The following KIFAP3 variants were observed in gnomAD, a reference collection of about 807,000 sequenced individuals.
KIFAP3 encodes the protein kinesin-associated protein 3.
A neutral mutation model predicts 106.5 loss-of-function variants in KIFAP3; 68 were observed. The ratio of observed to expected loss-of-function variants is 0.64; its 90% CI spans 0.53 to 0.78. The LOEUF is 0.78. Ranked by LOEUF, KIFAP3 falls within the 30% of genes least tolerant of loss-of-function variation. The pLI is 0.00. For synonymous variants in KIFAP3, 320 were observed against 311.5 expected (o/e 1.03, Z -0.29); for missense variants, 780 against 941.8 (o/e 0.83, Z 2.25).
At chr1:170,074,230 C>T (rs1453739634) in intron 1 of KIFAP3, among the ~76,000 whole-genome samples, 6 of 152,170 alleles carry the variant, frequency 3.9e-5, no homozygotes, top group Non-Finnish European at 1.5e-5. Flanking sequence ...AGGGCTCCGC[C>T]GAGTCAGGTC....
At chr1:169,990,426 A>G (rs1266753185) in intron 11 of KIFAP3, among the ~76,000 whole-genome samples, 1 of 151,696 alleles carries the variant, frequency 6.6e-6, no homozygotes, top group Non-Finnish European at 1.5e-5. Flanking sequence ...CAGATTATGC[A>G]AAGATAGCAT....
intron 15 of KIFAP3, among the ~76,000 whole-genome samples, chr1:169,978,654 TCATA>T (rs1442145766): frequency 6.6e-6 from 1 of 152,090 alleles, no homozygotes; most frequent in Non-Finnish European, 1.5e-5. Context: ...ACCTTTAATA[TCATA>T]CAAAGTAATT....
rs184581509 is a variant in KIFAP3, at chr1:169,921,738, G to T, written c.2317C>A (p.Arg773Ser). ...CGGAATCCATATGCTGTGGCAGGGC[G>T]TCCAAGAATGCCAACTGGTTGGCCA... is the stretch of plus-strand genomic sequence containing the variant. ...GFGQPVGILG[R>S]PATAYGFRPD... Residue 773 changes from arginine to serine, a missense_variant, in exon 20 of 20, where the codon CGC (arginine) becomes AGC (serine). Physicochemically the swap from Arg to Ser is moderately radical, Grantham distance 110 (BLOSUM62 -1). Transcript: ENST00000361580. 4 of 1,613,570 alleles carry T rather than the reference G, an allele frequency of 2.5e-6. No individual in the cohort carries two copies. The African/African-American group carries it at 4.0e-5, about 16-fold the overall frequency.
At chr1:169,966,289 A>G (rs1183753197) in intron 17 of KIFAP3, among the ~76,000 whole-genome samples, 1 of 151,796 alleles carries the variant, frequency 6.6e-6, no homozygotes, top group African/African-American at 2.4e-5. Flanking sequence ...GTTATTCTAT[A>G]CCAAACTGTG....
intron 8 of KIFAP3, among the ~76,000 whole-genome samples, chr1:170,030,743 C>T (rs1367144672): frequency 6.6e-6 from 1 of 151,464 alleles, no homozygotes; most frequent in Non-Finnish European, 1.5e-5. Context: ...GCAAACTAAG[C>T]TAAAGTGACA....
At position 169,987,399 on chromosome 1, in the gene KIFAP3, A is replaced by G. The variant is rs540889565; in HGVS notation, c.1285-2709T>C. 5.3e-5 allele frequency among the ~76,000 whole-genome samples: 8 copies of G among 152,106 alleles called. No individual in the cohort carries two copies. In the South Asian group the frequency reaches 1.7e-3, roughly 32 times the overall value. On this transcript the variant is annotated intron_variant, in intron 11 of 19. Transcript: ENST00000361580. ...TCTAGACTCTCTGGCACCTGACTTC[A>G]CTTATTTACCACTGACCAGAGGCCA...
intron 1 of KIFAP3, among the ~76,000 whole-genome samples, chr1:170,073,397 A>G (rs970295606): frequency 4.6e-5 from 7 of 152,354 alleles, no homozygotes; most frequent in African/African-American, 1.4e-4. Flanking sequence ...AATCCCTTCT[A>G]TGAGTCTACT....
intron 16 of KIFAP3, among the ~76,000 whole-genome samples, chr1:169,974,597 A>ATTCTGAAACTCATT (rs6143480): frequency 6.6e-6 from 1 of 151,424 alleles, no homozygotes; most frequent in Non-Finnish European, 1.5e-5. Flanking sequence ...GTATTTGTGC[A>ATTCTGAAACTCATT]TTTTTTAAAA....
intron 1 of KIFAP3, among the ~76,000 whole-genome samples, chr1:170,060,391 T>C (rs1308808897): frequency 6.6e-6 from 1 of 152,172 alleles, no homozygotes; most frequent in Non-Finnish European, 1.5e-5. Context: ...AGCCAAATCA[T>C]GAGTGAAATT....
rs1381381329 is a variant in KIFAP3 at position 170,046,877 on chromosome 1, AAC to A, written c.165-13_165-12del. ...CTCTTAAGTCGAATGCTGTAAGTAT[AAC>A]AGAATTTTTCAACTCACGTATTATA... On this transcript the variant is annotated splice_polypyrimidine_tract_variant and intron_variant, in intron 2 of 19. Transcript: ENST00000361580. 1.9e-5 allele frequency: 30 copies of A among 1,566,094 alleles called. No individual in the cohort carries two copies. The East Asian group carries it at 6.9e-4, about 36-fold the overall frequency.
rs146822027 is a variant in KIFAP3 at position 170,067,826 on chromosome 1, G to A, written c.32+6610C>T. 9 of 152,332 alleles carry A rather than the reference G, an allele frequency of 5.9e-5. No individual in the cohort carries two copies. In the East Asian group the frequency reaches 1.7e-3, roughly 29 times the overall value. 9.4% of individuals were successfully genotyped at this position (152,332 alleles called of 1,614,324 possible). ...AAAACACAAGCTGAAAGCCCAAGAG[G>A]AAAGTCCAGGGAGTCAGACATTTTG... On this transcript the variant is annotated intron_variant, in intron 1 of 19. Transcript: ENST00000361580.
intron 10 of KIFAP3, among the ~76,000 whole-genome samples, chr1:170,001,147 T>C (rs1292454512): frequency 2.0e-5 from 3 of 152,154 alleles, no homozygotes; most frequent in African/African-American, 7.2e-5. Context: ...TTATGTCTTC[T>C]GTAGAATTTT....
chr1:169,997,955 C>G (rs1453950884), intron 10 of KIFAP3, among the ~76,000 whole-genome samples: 1 of 149,890 alleles, frequency 6.7e-6, no homozygotes, highest in African/African-American at 2.5e-5. Context: ...CATCTTATAC[C>G]TGAGGCTCTA....
intron 18 of KIFAP3, among the ~76,000 whole-genome samples, chr1:169,960,118 G>A (rs1372933887): frequency 1.3e-5 from 2 of 152,026 alleles, no homozygotes; most frequent in African/African-American, 2.4e-5. Flanking sequence ...TGAGTACAGT[G>A]ATCAGATGTA....
At chr1:169,992,081 G>T in intron 11 of KIFAP3, 74 bp downstream of exon 11, 1 of 646,240 alleles carries the variant, frequency 1.5e-6, no homozygotes, top group Non-Finnish European at 2.3e-6. Flanking sequence ...AGAAAATCTT[G>T]ACAAATCAAG....
chr1:170,007,915 A>G (rs1471710145), intron 10 of KIFAP3, among the ~76,000 whole-genome samples: 1 of 152,232 alleles, frequency 6.6e-6, no homozygotes, highest in East Asian at 1.9e-4. Flanking sequence ...TCGTACCAAA[A>G]CAGATATATA....
chr1:170,046,106 A>G (rs1670232492), intron 3 of KIFAP3, among the ~76,000 whole-genome samples: 1 of 151,694 alleles, frequency 6.6e-6, no homozygotes, highest in South Asian at 2.1e-4. Flanking sequence ...GCCCAGTCCA[A>G]AACCCTTAAA....
At chr1:170,031,243 A>C (rs956462860) in intron 8 of KIFAP3, among the ~76,000 whole-genome samples, 1 of 151,796 alleles carries the variant, frequency 6.6e-6, no homozygotes, top group Non-Finnish European at 1.5e-5. Context: ...AACTCAGTGT[A>C]GTTAAAATTG....
At chr1:170,004,630 G>T (rs1201464937) in intron 10 of KIFAP3, among the ~76,000 whole-genome samples, 1 of 152,056 alleles carries the variant, frequency 6.6e-6, no homozygotes, top group African/African-American at 2.4e-5. Context: ...TTAATAAATG[G>T]TGCTGGGAAA....
Sources: gnomAD v4.1 joint callset for allele counts (sites outside exome capture counted in the v4.1 genomes callset) on GRCh38, gnomAD v4.1.1 for gene constraint, MANE v1.5 for transcripts, NCBI Gene and HGNC (gene_info 2026-07-23, HGNC 2026-07-21) for gene names.